GM2A: variants seen among roughly 807,000 people sequenced by gnomAD.
GM2A encodes the protein GM2 ganglioside activator.
GM2A carries 7 observed loss-of-function variants against 12.9 expected under a neutral mutation model. The observed-to-expected ratio is 0.54, with a 90% CI of 0.31 to 1.02. The LOEUF is 1.02. GM2A is among the 50% of genes least tolerant of loss of function. GM2A has a pLI of 0.05. For synonymous variants in GM2A, 101 were observed against 96.0 expected, an observed-to-expected ratio of 1.05 and a Z score of -0.30; for missense variants, 246 against 241.0, an observed-to-expected ratio of 1.02 and a Z score of -0.14.
At chr5:151,257,269 G>A (rs576934563) in intron 1 of GM2A, among the ~76,000 whole-genome samples, 2 of 152,238 alleles carry the variant, frequency 1.3e-5, no homozygotes, top group South Asian at 2.1e-4. Context: ...CCTGGACTCA[G>A]CAGCAGAATT....
At chr5:151,266,982 T>C in intron 3 of GM2A, 69 bp downstream of exon 3, 1 of 1,225,866 alleles carries the variant, frequency 8.2e-7, no homozygotes, top group Non-Finnish European at 1.2e-6. Flanking sequence ...AGAAGGGTCT[T>C]TGCATTCTCC....
intron 1 of GM2A, among the ~76,000 whole-genome samples, chr5:151,258,685 C>A (rs1259706921): frequency 2.0e-5 from 3 of 152,146 alleles, no homozygotes; most frequent in Non-Finnish European, 4.4e-5. Flanking sequence ...ACCCCCATAT[C>A]CCCAGCCTTT....
At chr5:151,266,315 C>CA (rs748333222) in intron 2 of GM2A, among the ~76,000 whole-genome samples, 1 of 152,034 alleles carries the variant, frequency 6.6e-6, no homozygotes, top group South Asian at 2.1e-4. Flanking sequence ...CCCATCTCTA[C>CA]AAAAAATACA....
At chr5:151,267,038 A>C in intron 3 of GM2A, 125 bp downstream of exon 3, 1 of 911,036 alleles carries the variant, frequency 1.1e-6, no homozygotes, top group East Asian at 2.5e-5. Flanking sequence ...AGTGTGACCT[A>C]TCAGGAATCA....
intron 2 of GM2A, among the ~76,000 whole-genome samples, chr5:151,261,100 C>T (rs1753790658): frequency 6.6e-6 from 1 of 152,116 alleles, no homozygotes; most frequent in Admixed American, 6.6e-5. Context: ...TCATGGCTTA[C>T]TGCAGCCTTG....
intron 1 of GM2A, among the ~76,000 whole-genome samples, chr5:151,255,824 G>A (rs1467073392): frequency 6.6e-6 from 1 of 152,150 alleles, no homozygotes. Flanking sequence ...AGGGCTGGCC[G>A]CTATGAGGTG....
At chr5:151,253,431 AC>A (rs1753627786) in intron 1 of GM2A, 134 bp downstream of exon 1, 1 of 714,392 alleles carries the variant, frequency 1.4e-6, no homozygotes, top group African/African-American at 1.7e-5. Context: ...TTCCAAAGTA[AC>A]TAATTATGGG....
chr5:151,259,662 C>T lies in GM2A; in HGVS notation c.82-93C>T, dbSNP rs1421838907. ...GACGGGGGTGCCTCACCCAAGGTCACTCTGCCAGGAGCTCATTTTTCCTGT... is the reference window on the plus strand; with the variant it reads ...GACGGGGGTGCCTCACCCAAGGTCATTCTGCCAGGAGCTCATTTTTCCTGT... On this transcript the variant is annotated intron_variant, in intron 1 of 3. Coordinates refer to ENST00000357164, the MANE Select transcript of GM2A (RefSeq NM_000405.5). The T allele has an allele frequency of 2.0e-5, 24 of 1,222,188 alleles. 1 individual carries two copies. Among genetic ancestry groups the T allele is most frequent in the Middle Eastern group, 2.6e-4 (1 of 3,778 alleles). The allele number at this position is 1,222,188 out of a possible 1,614,324, so 75.7% of individuals were successfully genotyped here.
intron 1 of GM2A, among the ~76,000 whole-genome samples, chr5:151,259,254 T>C: frequency 6.6e-6 from 1 of 152,200 alleles, no homozygotes; most frequent in Admixed American, 6.5e-5. Flanking sequence ...GGATTTCAGA[T>C]GCTGTTAGAT....
rs751251529 is a variant in GM2A, at chr5:151,253,207, A to ATGCAGTTAACTCCG, written c.-10_-9insTGCAGTTAACTCCG. 1.2e-6 allele frequency: 2 copies of ATGCAGTTAACTCCG among 1,611,430 alleles called. No homozygotes were observed. The highest frequency in any genetic ancestry group is 1.7e-6 in the Non-Finnish European group (2 of 1,177,658). ...CTTGCAGTTAACTCCGCCCTGACCC[A>ATGCAGTTAACTCCG]CCCTTCCCGATGCAGTCCCTGATGC... is the stretch of plus-strand genomic sequence containing the variant. On this transcript the variant is annotated 5_prime_UTR_variant, in exon 1 of 4. It adds an upstream start codon to the 5' untranslated region. Coordinates refer to ENST00000357164, the MANE Select transcript of GM2A (RefSeq NM_000405.5).
At position 151,267,428 on chromosome 5, in the gene GM2A, G is replaced by A. The variant is rs1008391174; in HGVS notation, c.559G>A (p.Ala187Thr). Reference sequence around the variant, plus strand: ...GAAGCGTCTGGGCTGCATCAAGATCGCTGCCTCTCTAAAGGGCATATAACA... The same window carrying A: ...GAAGCGTCTGGGCTGCATCAAGATCACTGCCTCTCTAAAGGGCATATAACA... ...SGKRLGCIKI[A>T]ASLKGI The change falls in exon 4 of 4, where the codon GCT becomes ACT. Residue 187 changes from alanine (A) to threonine (T), a missense_variant. Ala to Thr is a moderately conservative substitution (Grantham distance 58). Coordinates refer to ENST00000357164, the MANE Select transcript of GM2A (RefSeq NM_000405.5). 11 of 1,614,096 alleles carry A rather than the reference G, an allele frequency of 6.8e-6. No individual in the cohort carries two copies. Among genetic ancestry groups the A allele is most frequent in the Non-Finnish European group, 9.3e-6 (11 of 1,179,988 alleles).
chr5:151,260,918 T>C (rs996165146), intron 2 of GM2A, among the ~76,000 whole-genome samples: 1 of 152,240 alleles, frequency 6.6e-6, no homozygotes, highest in Non-Finnish European at 1.5e-5. Flanking sequence ...ATATGTGCTA[T>C]TATACTTGCT....
chr5:151,266,303 A>AC (rs1333486882), intron 2 of GM2A, among the ~76,000 whole-genome samples: 2 of 152,078 alleles, frequency 1.3e-5, no homozygotes, highest in Admixed American at 1.3e-4. Context: ...ACAAAGTGAG[A>AC]CCCCATCTCT....
chr5:151,253,345 C>T (rs1753625144), intron 1 of GM2A, 48 bp downstream of exon 1: 1 of 1,392,458 alleles, frequency 7.2e-7, no homozygotes, highest in Admixed American at 1.7e-5. Context: ...CCTGGCCCAG[C>T]TACGGGTGTG....
Position 151,268,383 on chromosome 5 carries a change from G to A in GM2A, c.*932G>A, listed in dbSNP as rs987437403. 5 of 736,860 alleles carry A rather than the reference G, an allele frequency of 6.8e-6. No homozygotes were observed. In the African/African-American group the frequency reaches 9.6e-5, roughly 14 times the overall value. The allele number at this position is 736,860 out of a possible 1,614,324, so 45.6% of individuals were successfully genotyped here. On this transcript the variant is annotated 3_prime_UTR_variant, in exon 4 of 4. Transcript: ENST00000357164. ...TTGGCCAGGATGGTCTCGATCTCTT[G>A]ACCTCGTGATCTGTCCACCTTGGCC...
chr5:151,258,481 T>A lies in GM2A; in HGVS notation c.82-1274T>A, dbSNP rs146371128. Among the ~76,000 whole-genome samples, 26 of 152,356 alleles carry A rather than the reference T, an allele frequency of 1.7e-4. No individual in the cohort carries two copies. The East Asian group carries it at 4.8e-3, about 28-fold the overall frequency. ...TTTGGCTAAAGCTGTCATTCACCCA[T>A]GTCTCTCCAAAGCCATGCCCTTCAC... On this transcript the variant is annotated intron_variant, in intron 1 of 3. Transcript: ENST00000357164.
chr5:151,255,026 G>T (rs1339108143), intron 1 of GM2A, among the ~76,000 whole-genome samples: 1 of 152,128 alleles, frequency 6.6e-6, no homozygotes, highest in Non-Finnish European at 1.5e-5. Context: ...CCAAGACCAG[G>T]TGCGGTGGTG....
In GM2A at chr5:151,270,176, C is replaced by T. The variant is rs1158454693; in HGVS notation, c.*2725C>T. The T allele has an allele frequency of 2.7e-6, 3 of 1,120,018 alleles. No individual in the cohort carries two copies. The African/African-American group carries it at 4.8e-5, about 18-fold the overall frequency. 69.4% of individuals were successfully genotyped at this position (1,120,018 alleles called of 1,614,324 possible). ...TCAAAGCAGACTTTAATAAATGGTG[C>T]TGAGCCAACTGGAAAGCCCCTTGGA... On this transcript the variant is annotated 3_prime_UTR_variant, in exon 4 of 4. Transcript: ENST00000357164.
At chr5:151,265,010 G>A (rs1753859139) in intron 2 of GM2A, among the ~76,000 whole-genome samples, 1 of 151,798 alleles carries the variant, frequency 6.6e-6, no homozygotes, top group Non-Finnish European at 1.5e-5. Context: ...TGAGGGAATG[G>A]CCACTGAGAG....
Sources: gnomAD v4.1 joint callset for allele counts (sites outside exome capture counted in the v4.1 genomes callset) on GRCh38, gnomAD v4.1.1 for gene constraint, MANE v1.5 for transcripts, NCBI Gene and HGNC (gene_info 2026-07-23, HGNC 2026-07-21) for gene names.